The following SLC48A1 variants were observed in gnomAD, a reference collection of about 807,000 sequenced individuals.
SLC48A1 encodes heme transporter HRG1.
Under a neutral mutation model 14.8 loss-of-function variants are expected in SLC48A1, and 6 were observed. The ratio of observed to expected loss-of-function variants is 0.41; its 90% CI spans 0.22 to 0.80. The LOEUF is 0.80. SLC48A1 is among the 30% of genes least tolerant of loss of function. The pLI, the probability that SLC48A1 is intolerant of heterozygous loss-of-function variation, is 0.34. For synonymous variants in SLC48A1, 89 were observed against 90.0 expected (o/e 0.99, Z 0.06); for missense variants, 165 against 204.8 (o/e 0.81, Z 1.19).
In SLC48A1 at chr12:47,780,372, T is replaced by G; in HGVS notation, c.*91T>G. Reference sequence around the variant, plus strand: ...GGGAGAGGCTACTCCCACCCCCTGGTGACCCCAGAACTGTGGCAGAAAATA... The same window carrying G: ...GGGAGAGGCTACTCCCACCCCCTGGGGACCCCAGAACTGTGGCAGAAAATA... On this transcript the variant is annotated 3_prime_UTR_variant, in exon 3 of 3. Coordinates refer to ENST00000442218, the MANE Select transcript of SLC48A1 (RefSeq NM_017842.3). 1.9e-6 allele frequency: 3 copies of G among 1,587,862 alleles called. No homozygotes were observed. The highest frequency in any genetic ancestry group is 2.6e-6 in the Non-Finnish European group (3 of 1,156,448).
At chr12:47,778,358 CAG>C (rs935930722) in intron 1 of SLC48A1, 7 of 152,268 alleles carry the variant, frequency 4.6e-5, no homozygotes, top group African/African-American at 1.2e-4. Context: ...TAAGGCCACT[CAG>C]GGGTTGGGTG....
Position 47,773,383 on chromosome 12 carries a change from C to G in SLC48A1, c.79C>G (p.Leu27Val). 1 of 1,477,374 alleles carries G rather than the reference C, an allele frequency of 6.8e-7. No homozygotes were observed. Among genetic ancestry groups the G allele is most frequent in the Non-Finnish European group, 9.0e-7 (1 of 1,112,954 alleles). The allele number at this position is 1,477,374 out of a possible 1,614,324, so 91.5% of individuals were successfully genotyped here. Reference sequence around the variant, plus strand: ...CTCCGTGGCCGGCTTCTCCATCTTCCTCGTCTGGACGGTGGTCTACCGACA... The same window carrying G: ...CTCCGTGGCCGGCTTCTCCATCTTCGTCGTCTGGACGGTGGTCTACCGACA... The part of the protein sequence containing the change: ...ISSVAGFSIF[L>V]VWTVVYRQPG... The change falls in exon 1 of 3, where the codon CTC (leucine) becomes GTC (valine). Residue 27 changes from leucine (L) to valine (V), a missense_variant. Coordinates refer to ENST00000442218, the MANE Select transcript of SLC48A1 (RefSeq NM_017842.3).
upstream of SLC48A1, chr12:47,757,846 G>A: frequency 1.3e-6 from 2 of 1,543,990 alleles, no homozygotes; most frequent in Non-Finnish European, 1.8e-6. Context: ...CTGGCACCTG[G>A]GCAGGTGAAA....
upstream of SLC48A1, chr12:47,769,587 C>T (rs1942585304): frequency 1.3e-5 from 2 of 152,238 alleles, no homozygotes; most frequent in South Asian, 4.1e-4. Flanking sequence ...ACTAATCTTC[C>T]TAAGACTTGG....
chr12:47,771,995 CT>C (rs1187581282), upstream of SLC48A1, among the ~76,000 whole-genome samples: 1 of 151,986 alleles, frequency 6.6e-6, no homozygotes, highest in Non-Finnish European at 1.5e-5. Flanking sequence ...CAAGGCAACC[CT>C]GATGTCCCCT....
chr12:47,763,090 C>T (rs1175317783), intron 2 of SLC48A1, among the ~76,000 whole-genome samples: 2 of 152,214 alleles, frequency 1.3e-5, no homozygotes, highest in Admixed American at 6.5e-5. Context: ...TGAACAGGAA[C>T]AGTGGGCAGT....
chr12:47,754,058 G>A (rs1451804873), upstream of SLC48A1: 1 of 152,226 alleles, frequency 6.6e-6, no homozygotes, highest in South Asian at 2.1e-4. Flanking sequence ...TCTGCTACTG[G>A]TGCTGACCCC....
upstream of SLC48A1, among the ~76,000 whole-genome samples, chr12:47,767,895 A>G (rs189083629): frequency 1.7e-4 from 26 of 152,354 alleles, no homozygotes; most frequent in Admixed American, 9.2e-4. Flanking sequence ...ACCCCAATCA[A>G]TTTACTCTAA....
At chr12:47,773,154 C>T (rs1942661784), upstream of SLC48A1, 3 of 974,274 alleles carry the variant, frequency 3.1e-6, no homozygotes, top group African/African-American at 1.8e-5. Context: ...CCGGGGAGGG[C>T]GCTGTGCGGG....
At chr12:47,758,077 A>G (rs1942199632), upstream of SLC48A1, 3 of 1,560,416 alleles carry the variant, frequency 1.9e-6, no homozygotes, top group South Asian at 1.2e-5. Context: ...TGGCCAGCCC[A>G]CCTGTGACAC....
chr12:47,779,854 G>A (rs1303109304), intron 2 of SLC48A1, among the ~76,000 whole-genome samples: 1 of 152,250 alleles, frequency 6.6e-6, no homozygotes, highest in Non-Finnish European at 1.5e-5. Flanking sequence ...TGCGAGGGTT[G>A]CGTGCCCCTG....
chr12:47,760,897 T>C (rs1251749622), intron 2 of SLC48A1, among the ~76,000 whole-genome samples: 1 of 152,092 alleles, frequency 6.6e-6, no homozygotes, highest in Non-Finnish European at 1.5e-5. Context: ...GAGAGTCTAC[T>C]CAAAAAAGGA....
In SLC48A1 at chr12:47,781,221, CAG is replaced by C. The variant is rs1416837457; in HGVS notation, c.*941_*942del. ...AAGACTTCCCAAATGAGGCCAGACT[CAG>C]GGTCACGGGGAATGTGCTTCTGCCC... is the stretch of plus-strand genomic sequence containing the variant. On this transcript the variant is annotated 3_prime_UTR_variant, in exon 3 of 3. Coordinates refer to ENST00000442218, the MANE Select transcript of SLC48A1 (RefSeq NM_017842.3). The C allele has an allele frequency of 1.3e-5, 3 of 226,532 alleles. No homozygotes were observed. Among genetic ancestry groups the C allele is most frequent in the African/African-American group, 7.1e-5 (3 of 42,438 alleles). The allele number at this position is 226,532 out of a possible 1,614,324, so 14.0% of individuals were successfully genotyped here. A position where few individuals can be genotyped will look rare whatever the true frequency, so the allele number is the denominator to read the frequency against.
chr12:47,772,971 G>A (rs1199469866), upstream of SLC48A1, among the ~76,000 whole-genome samples: 4 of 152,124 alleles, frequency 2.6e-5, no homozygotes, highest in African/African-American at 4.8e-5. Flanking sequence ...AATCCTCGCG[G>A]TTCGCTCGTA....
chr12:47,761,966 A>G (rs1291238129), intron 2 of SLC48A1, among the ~76,000 whole-genome samples: 1 of 152,128 alleles, frequency 6.6e-6, no homozygotes, highest in Non-Finnish European at 1.5e-5. Flanking sequence ...GACTCTGCCC[A>G]GGTGGTTTCT....
upstream of SLC48A1, among the ~76,000 whole-genome samples, chr12:47,767,567 A>C (rs1296536513): frequency 6.6e-6 from 1 of 152,210 alleles, no homozygotes; most frequent in Admixed American, 6.5e-5. Flanking sequence ...AGGACGAGTC[A>C]GTTACCCTGC....
intron 2 of SLC48A1, among the ~76,000 whole-genome samples, chr12:47,763,447 C>T (rs1008261542): frequency 1.3e-5 from 2 of 152,156 alleles, no homozygotes; most frequent in Non-Finnish European, 2.9e-5. Flanking sequence ...CTGAGCCTCC[C>T]ACAATACCCC....
rs1343480871 is a variant in SLC48A1 at position 47,773,373 on chromosome 12, C to T, written c.69C>T (p.Phe23=). ...AYSGISSVAG[F]SIFLVWTVVY... is the part of the protein sequence containing the mutation. ...CCGGCATCAGCTCCGTGGCCGGCTTCTCCATCTTCCTCGTCTGGACGGTGG... is the reference window on the plus strand; with the variant it reads ...CCGGCATCAGCTCCGTGGCCGGCTTTTCCATCTTCCTCGTCTGGACGGTGG... Residue 23 remains phenylalanine, a synonymous_variant, in exon 1 of 3, where the codon TTC becomes TTT. Coordinates refer to ENST00000442218, the MANE Select transcript of SLC48A1 (RefSeq NM_017842.3). 105 of 1,479,616 alleles carry T rather than the reference C, an allele frequency of 7.1e-5. No homozygotes were observed. Among genetic ancestry groups the T allele is most frequent in the Non-Finnish European group, 8.3e-5 (92 of 1,114,416 alleles). 91.7% of individuals were successfully genotyped at this position (1,479,616 alleles called of 1,614,324 possible). A position where few individuals can be genotyped will look rare whatever the true frequency, so the allele number is the denominator to read the frequency against.
chr12:47,773,062 T>G, upstream of SLC48A1: 1 of 461,826 alleles, frequency 2.2e-6, no homozygotes, highest in Non-Finnish European at 2.8e-6. Context: ...AATCCGCCTT[T>G]TTAGCAGCAT....
Sources: allele counts gnomAD v4.1 joint callset (sites outside exome capture counted in the v4.1 genomes callset), GRCh38; gene constraint gnomAD v4.1.1; transcripts MANE v1.5; gene names NCBI Gene and HGNC (gene_info 2026-07-23, HGNC 2026-07-21).